Variants in OTOG observed in about 807,000 individuals in gnomAD.
The protein encoded by OTOG is otogelin.
OTOG carries 296 observed loss-of-function variants against 313.8 expected under a neutral mutation model. The observed-to-expected ratio is 0.94, with a 90% CI of 0.86 to 1.04. OTOG has a LOEUF of 1.04. OTOG is among the 50% of genes least tolerant of loss of function. The pLI is 0.00. For missense variants in OTOG, 3,948 were observed against 3,840.1 expected, an observed-to-expected ratio of 1.03 and a Z score of -0.74; for synonymous variants, 1,533 against 1,554.9, an observed-to-expected ratio of 0.99 and a Z score of 0.33.
intron 24 of OTOG, among the ~76,000 whole-genome samples, chr11:17,588,809 C>T (rs891639188): frequency 1.1e-4 from 16 of 152,074 alleles, no homozygotes; most frequent in African/African-American, 3.1e-4. Flanking sequence ...TCTTGTAGAT[C>T]TTGCCGTTCC....
At chr11:17,606,455 G>A (rs561318622) in intron 33 of OTOG, among the ~76,000 whole-genome samples, 52 of 152,352 alleles carry the variant, frequency 3.4e-4, no homozygotes, top group Non-Finnish European at 5.4e-4. Context: ...TGCAACATGC[G>A]TAGCCGCTGG....
rs941305975 is a variant in OTOG, at chr11:17,591,457, C to A, written c.2875C>A (p.Gln959Lys). 12 of 1,550,556 alleles carry A rather than the reference C, an allele frequency of 7.7e-6. No homozygotes were observed. Among genetic ancestry groups the A allele is most frequent in the Non-Finnish European group, 9.6e-6 (11 of 1,147,024 alleles). Reference sequence around the variant, plus strand: ...TGGGCATGTGTTTTTCAGTGTGTGCCAGCGGGGCTCATTCCAGTGCACCCT... The same window carrying A: ...TGGGCATGTGTTTTTCAGTGTGTGCAAGCGGGGCTCATTCCAGTGCACCCT... ...VMSPCHTCVC[Q>K]RGSFQCTLHP... Residue 959 changes from glutamine to lysine, a missense_variant, in exon 25 of 56, where the codon CAG becomes AAG. Gln to Lys is a moderately conservative substitution (Grantham distance 53, BLOSUM62 1). Transcript: ENST00000399397.
At position 17,634,197 on chromosome 11, in the gene OTOG, C is replaced by A; in HGVS notation, c.7396C>A (p.Pro2466Thr). 6.4e-7 allele frequency: 1 copy of A among 1,550,450 alleles called. No homozygotes were observed. The highest frequency in any genetic ancestry group is 8.7e-7 in the Non-Finnish European group (1 of 1,146,970). ...IVPVDLGCPS[P>T]RPESCLRFGE... ...CCCGGTGGATCTGGGCTGCCCCAGT[C>A]CCCGCCCTGAGAGCTGCCTGCGATT... The change falls in exon 44 of 56, where the codon CCC becomes ACC. Residue 2466 changes from proline to threonine, a missense_variant. Pro to Thr is a conservative substitution (Grantham distance 38). Transcript: ENST00000399397.
At chr11:17,550,791 G>T (rs568131522) in intron 3 of OTOG, among the ~76,000 whole-genome samples, 2 of 152,212 alleles carry the variant, frequency 1.3e-5, no homozygotes, top group Non-Finnish European at 2.9e-5. Flanking sequence ...GGGCTGGGTC[G>T]ACTGGGTAAG....
Position 17,606,100 on chromosome 11 carries a change from A to G in OTOG, c.4121A>G (p.Glu1374Gly), listed in dbSNP as rs1278157972. The change falls in exon 33 of 56, where the codon GAG becomes GGG. Residue 1374 changes from glutamate (E) to glycine (G), a missense_variant. By Grantham distance (98) the Glu-to-Gly change is moderately conservative (BLOSUM62 -2). Coordinates refer to ENST00000399397, the MANE Select transcript of OTOG (RefSeq NM_001292063.2). ...GCCCTGCGGCTGTACGAACACACAGAGGTGTTCCGCCGGGGCACACTCTTC... is the reference window on the plus strand; with the variant it reads ...GCCCTGCGGCTGTACGAACACACAGGGGTGTTCCGCCGGGGCACACTCTTC... ...VLALRLYEHT[E>G]VFRRGTLFRL... 1 of 1,546,826 alleles carries G rather than the reference A, an allele frequency of 6.5e-7. No individual in the cohort carries two copies. Among genetic ancestry groups the G allele is most frequent in the South Asian group, 1.2e-5 (1 of 83,770 alleles).
intron 12 of OTOG, among the ~76,000 whole-genome samples, chr11:17,559,942 G>A (rs1852146812): frequency 6.6e-6 from 1 of 152,064 alleles, no homozygotes; most frequent in Admixed American, 6.6e-5. Context: ...AGGAAGGAAG[G>A]AAGGAGCAAA....
intron 46 of OTOG, 90 bp downstream of exon 46, chr11:17,635,277 G>A: frequency 9.4e-7 from 1 of 1,069,396 alleles, no homozygotes; most frequent in African/African-American, 1.6e-5. Context: ...GGGAGGAAAG[G>A]CTGGGGGTCT....
intron 30 of OTOG, 35 bp from the exon 31 acceptor site, chr11:17,599,636 T>G: frequency 1.9e-6 from 3 of 1,550,362 alleles, no homozygotes; most frequent in Non-Finnish European, 2.6e-6. Flanking sequence ...GGCTCTGGGC[T>G]GGCTCTCAGG....
intron 16 of OTOG, among the ~76,000 whole-genome samples, chr11:17,569,714 A>G (rs1242445357): frequency 6.6e-6 from 1 of 152,242 alleles, no homozygotes; most frequent in Admixed American, 6.5e-5. Flanking sequence ...CAAGGTTGGG[A>G]GGAGTGGGGA....
chr11:17,637,989 T>A (rs1854303943), intron 47 of OTOG, among the ~76,000 whole-genome samples: 3 of 152,158 alleles, frequency 2.0e-5, no homozygotes, highest in Non-Finnish European at 4.4e-5. Flanking sequence ...CTGAGAAAAG[T>A]CAGCCTAAAG....
intron 10 of OTOG, 49 bp from the exon 11 acceptor site, chr11:17,559,003 G>T (rs748007313): frequency 7.0e-7 from 1 of 1,424,498 alleles, no homozygotes; most frequent in South Asian, 1.2e-5. Context: ...TGGTGGGCTG[G>T]TGGCACTTTG....
intron 39 of OTOG, among the ~76,000 whole-genome samples, chr11:17,617,959 C>T (rs975149593): frequency 2.0e-5 from 3 of 151,750 alleles, no homozygotes; most frequent in African/African-American, 7.3e-5. Flanking sequence ...GTCGCCCAGG[C>T]TGGAGTGTAG....
At chr11:17,569,554 T>G (rs1287790058) in intron 16 of OTOG, among the ~76,000 whole-genome samples, 1 of 152,216 alleles carries the variant, frequency 6.6e-6, no homozygotes, top group Non-Finnish European at 1.5e-5. Flanking sequence ...ATCCTGACTC[T>G]CATAACTTGT....
chr11:17,613,327 C>T (rs867495133), intron 38 of OTOG, among the ~76,000 whole-genome samples: 72 of 102,452 alleles, frequency 7.0e-4, no homozygotes, highest in African/African-American at 3.7e-3. Flanking sequence ...CTCTGCCCTG[C>T]CCTTCCTTCC....
At chr11:17,579,050 C>T (rs868214409) in intron 23 of OTOG, among the ~76,000 whole-genome samples, 5 of 152,354 alleles carry the variant, frequency 3.3e-5, no homozygotes, top group Non-Finnish European at 5.9e-5. Flanking sequence ...GTGAGAGCTG[C>T]GTGAGTCAGG....
At chr11:17,622,742 C>A (rs981793661) in intron 39 of OTOG, among the ~76,000 whole-genome samples, 1 of 152,208 alleles carries the variant, frequency 6.6e-6, no homozygotes, top group Non-Finnish European at 1.5e-5. Flanking sequence ...TTTTCTTTAT[C>A]CATTCATCTG....
chr11:17,622,276 T>C (rs1853884048), intron 39 of OTOG, among the ~76,000 whole-genome samples: 1 of 152,188 alleles, frequency 6.6e-6, no homozygotes, highest in African/African-American at 2.4e-5. Context: ...ATTTGTGGGG[T>C]ACATAAGAGA....
At position 17,591,437 on chromosome 11, in the gene OTOG, A is replaced by G. The variant is rs753233526; in HGVS notation, c.2868-13A>G. The G allele has an allele frequency of 2.2e-5, 34 of 1,550,576 alleles. No homozygotes were observed. In the African/African-American group the frequency reaches 4.1e-4, roughly 19 times the overall value. On this transcript the variant is annotated splice_polypyrimidine_tract_variant and intron_variant, in intron 24 of 55. Coordinates refer to ENST00000399397, the MANE Select transcript of OTOG (RefSeq NM_001292063.2). ...GTGTGCCCTGTGATCTGGTCTGGGC[A>G]TGTGTTTTTCAGTGTGTGCCAGCGG...
intron 47 of OTOG, among the ~76,000 whole-genome samples, chr11:17,636,657 T>A (rs1158084129): frequency 6.6e-6 from 1 of 152,136 alleles, no homozygotes; most frequent in Non-Finnish European, 1.5e-5. Context: ...ACAGATTCAC[T>A]ATCCTTTCTC....
Sources: gnomAD v4.1 joint callset for allele counts (sites outside exome capture counted in the v4.1 genomes callset) on GRCh38, gnomAD v4.1.1 for gene constraint, MANE v1.5 for transcripts, NCBI Gene and HGNC (gene_info 2026-07-23, HGNC 2026-07-21) for gene names.